ZFX: variants seen among roughly 807,000 people sequenced by gnomAD.
The protein encoded by ZFX is zinc finger protein X-linked, also known as zinc finger X-chromosomal protein.
For missense variants in ZFX, 362 were observed against 628.3 expected (o/e 0.58, Z 4.53); for synonymous variants, 196 against 226.8 (o/e 0.86, Z 1.22).
chrX:24,177,192 A>G (rs758279184), intron 4 of ZFX, among the ~76,000 whole-genome samples: 1 of 111,888 alleles, frequency 8.9e-6, no homozygotes, highest in Non-Finnish European at 1.9e-5. Flanking sequence ...TCGGCCTCCC[A>G]AAGTGCTGGG....
In ZFX at chrX:24,213,959, A is replaced by G. The variant is rs1938293422; in HGVS notation, c.*2583A>G. 1 of 111,220 alleles carries G rather than the reference A, an allele frequency of 9.0e-6. No individual in the cohort carries two copies. Among genetic ancestry groups the G allele is most frequent in the African/African-American group, 3.3e-5 (1 of 30,508 alleles). 9.2% of individuals were successfully genotyped at this position (111,220 alleles called of 1,213,427 possible). On this transcript the variant is annotated 3_prime_UTR_variant, in exon 10 of 10. Transcript: ENST00000304543. ...AAGAACACAACACTTCACACATTTT[A>G]TATTTCTCTTACATACTCCGGAATC...
chrX:24,150,346 A>AGCG (rs1302508889), intron 1 of ZFX, among the ~76,000 whole-genome samples: 1 of 108,836 alleles, frequency 9.2e-6, no homozygotes, highest in African/African-American at 3.3e-5. Flanking sequence ...CGGCGGCGGC[A>AGCG]GCGGCGCCGG....
chrX:24,164,814 G>A (rs1933835834), intron 3 of ZFX, among the ~76,000 whole-genome samples: 1 of 109,304 alleles, frequency 9.1e-6, no homozygotes, highest in Admixed American at 9.8e-5. Context: ...GTGCATGCCT[G>A]TAAATGCCAG....
At chrX:24,162,426 G>A (rs1160420007) in intron 3 of ZFX, among the ~76,000 whole-genome samples, 4 of 112,022 alleles carry the variant, frequency 3.6e-5, no homozygotes, top group Non-Finnish European at 5.6e-5. Flanking sequence ...ATGCAAATAA[G>A]TTTAATTTCC....
chrX:24,196,591 A>G (rs764364000), intron 5 of ZFX, among the ~76,000 whole-genome samples: 1 of 110,120 alleles, frequency 9.1e-6, no homozygotes, highest in African/African-American at 3.3e-5. Flanking sequence ...TCCCCCTTGT[A>G]TTACCTTTTT....
intron 5 of ZFX, among the ~76,000 whole-genome samples, chrX:24,203,178 G>A (rs1278844760): frequency 8.9e-6 from 1 of 111,894 alleles, no homozygotes; most frequent in Non-Finnish European, 1.9e-5. Context: ...TGGGTTTTCA[G>A]TCAGACACCA....
At chrX:24,185,240 C>T (rs910167239) in intron 5 of ZFX, among the ~76,000 whole-genome samples, 1 of 111,543 alleles carries the variant, frequency 9.0e-6, no homozygotes, top group African/African-American at 3.3e-5. Flanking sequence ...TTCTTCAATT[C>T]AGGTGTGAGC....
At chrX:24,185,596 G>A (rs867258483) in intron 5 of ZFX, among the ~76,000 whole-genome samples, 1 of 111,277 alleles carries the variant, frequency 9.0e-6, no homozygotes, top group East Asian at 2.8e-4. Context: ...GACTACAGGC[G>A]CGTGCCACCA....
intron 3 of ZFX, among the ~76,000 whole-genome samples, chrX:24,168,894 GA>G (rs199545504): frequency 0.012 from 1,334 of 110,036 alleles, 9 homozygotes; most frequent in Middle Eastern, 0.033. Flanking sequence ...TTGGTTCTCT[GA>G]ACCATCCTAC....
At chrX:24,153,575 A>G (rs1932466767) in intron 3 of ZFX, among the ~76,000 whole-genome samples, 1 of 111,663 alleles carries the variant, frequency 9.0e-6, no homozygotes, top group African/African-American at 3.3e-5. Flanking sequence ...TCTTAAATCC[A>G]GTATTACCCA....
In ZFX at chrX:24,158,803, A is replaced by ATTT. The variant is rs34714825; in HGVS notation, c.-29+5988_-29+5990dup. On this transcript the variant is annotated intron_variant, in intron 3 of 9. Transcript: ENST00000304543. ...AGGCATGTGCCACCATGCCCGGCTA[A>ATTT]TTTTTTTTTTTTTTTTTGTATTTTT... Among the ~76,000 whole-genome samples, 230 of 89,664 alleles carry ATTT rather than the reference A, an allele frequency of 2.6e-3. No individual in the cohort carries two copies. The South Asian group carries it at 0.027, about 10-fold the overall frequency. The allele number at this position is 89,664 out of a possible 115,157, so 77.9% of individuals were successfully genotyped here. A position where few individuals can be genotyped will look rare whatever the true frequency, so the allele number is the denominator to read the frequency against.
chrX:24,199,319 A>G (rs142674110), intron 5 of ZFX, among the ~76,000 whole-genome samples: 3,862 of 109,622 alleles, frequency 0.035, 173 homozygotes, highest in African/African-American at 0.12. Context: ...CAGTGGCACA[A>G]TCACAGCTCA....
At chrX:24,201,792 TA>T (rs914865378) in intron 5 of ZFX, among the ~76,000 whole-genome samples, 5 of 112,541 alleles carry the variant, frequency 4.4e-5, no homozygotes, top group African/African-American at 1.6e-4. Context: ...TCTTTCTCCC[TA>T]CAAACCATTT....
At position 24,185,192 on chromosome X, in the gene ZFX, C is replaced by T. The variant is rs926862364; in HGVS notation, c.646+5422C>T. On this transcript the variant is annotated intron_variant, in intron 5 of 9. Transcript: ENST00000304543. ...GTCTTGAACCTGGTCTTGAACCAGC[C>T]TGGGCTTAAGCAATTTGCCCACTTC... Among the ~76,000 whole-genome samples, 7 of 111,023 alleles carry T rather than the reference C, an allele frequency of 6.3e-5. No homozygotes were observed. In the South Asian group the frequency reaches 2.3e-3, roughly 36 times the overall value.
chrX:24,158,166 G>A (rs1470286933), intron 3 of ZFX, among the ~76,000 whole-genome samples: 1 of 111,520 alleles, frequency 9.0e-6, no homozygotes, highest in Non-Finnish European at 1.9e-5. Context: ...AGAAAATACT[G>A]TATCAGTTTA....
At chrX:24,209,616 C>T (rs1446042111) in intron 9 of ZFX, among the ~76,000 whole-genome samples, 3 of 111,292 alleles carry the variant, frequency 2.7e-5, no homozygotes, top group African/African-American at 9.8e-5. Flanking sequence ...CTCTCTTGCC[C>T]AGGCTGGAGT....
At chrX:24,175,629 G>A (rs1217935717) in intron 4 of ZFX, among the ~76,000 whole-genome samples, 1 of 111,232 alleles carries the variant, frequency 9.0e-6, no homozygotes, top group Non-Finnish European at 1.9e-5. Context: ...CCAGGCTGGA[G>A]TACAGTGGCC....
At chrX:24,179,791 A>T (rs759250798) in intron 5 of ZFX, 21 bp downstream of exon 5, 1 of 1,169,429 alleles carries the variant, frequency 8.6e-7, no homozygotes, top group Non-Finnish European at 1.1e-6. Flanking sequence ...GGGTACAGTG[A>T]TTGTCAAAGG....
At chrX:24,180,260 C>CTT (rs946451525) in intron 5 of ZFX, among the ~76,000 whole-genome samples, 16 of 110,256 alleles carry the variant, frequency 1.5e-4, no homozygotes, top group Admixed American at 6.8e-4. Context: ...ACAAACAGAA[C>CTT]TGAACTTTGG....
Sources: gnomAD v4.1 joint callset for allele counts (sites outside exome capture counted in the v4.1 genomes callset) on GRCh38, gnomAD v4.1.1 for gene constraint, MANE v1.5 for transcripts, NCBI Gene and HGNC (gene_info 2026-07-23, HGNC 2026-07-21) for gene names.